Variants in CALCOCO1 observed in about 807,000 individuals in gnomAD.
CALCOCO1 encodes calcium-binding and coiled-coil domain-containing protein 1.
A neutral mutation model predicts 86.3 loss-of-function variants in CALCOCO1; 44 were observed. The observed-to-expected ratio is 0.51, with a 90% CI of 0.40 to 0.66. The LOEUF (loss-of-function observed/expected upper bound fraction) is 0.66, where lower values mean the gene tolerates loss of function less well. Ranked by LOEUF, CALCOCO1 falls within the 30% of genes least tolerant of loss-of-function variation. The probability of loss-of-function intolerance (pLI) is 0.00; values close to 1 mark genes in which losing one functional copy is unlikely to be tolerated. For synonymous variants in CALCOCO1, 297 were observed against 327.6 expected, an observed-to-expected ratio of 0.91 and a Z score of 1.01; for missense variants, 708 against 851.1, an observed-to-expected ratio of 0.83 and a Z score of 2.09.
At chr12:53,727,190 GA>G (rs1170705531) in intron 1 of CALCOCO1, among the ~76,000 whole-genome samples, 1 of 152,132 alleles carries the variant, frequency 6.6e-6, no homozygotes, top group East Asian at 1.9e-4. Context: ...AGGAGAGGAC[GA>G]CGAGGGGGCG....
chr12:53,727,043 A>G (rs1946053629), intron 1 of CALCOCO1, among the ~76,000 whole-genome samples: 1 of 152,012 alleles, frequency 6.6e-6, no homozygotes, highest in Non-Finnish European at 1.5e-5. Context: ...CTCCCCAGGG[A>G]TTCAGCGTCG....
intron 4 of CALCOCO1, among the ~76,000 whole-genome samples, chr12:53,723,159 C>A (rs1426450004): frequency 6.6e-6 from 1 of 152,084 alleles, no homozygotes; most frequent in African/African-American, 2.4e-5. Flanking sequence ...TGCTCAAGAG[C>A]CATATATAGT....
rs368772514 is a variant in CALCOCO1 at position 53,715,783 on chromosome 12, A to C, written c.1260+10T>G. 3.0e-3 allele frequency: 4,847 copies of C among 1,606,518 alleles called. 164 individuals carry two copies. The South Asian group carries it at 0.05, about 17-fold the overall frequency. ...GCCATCAGATTGCCAGGTACCCCCC[A>C]TCCCTCTACCTCCACACTCTGCAGC... On this transcript the variant is annotated intron_variant, in intron 9 of 14. Coordinates refer to ENST00000550804, the MANE Select transcript of CALCOCO1 (RefSeq NM_020898.3).
intron 10 of CALCOCO1, among the ~76,000 whole-genome samples, 184 bp from the exon 11 acceptor site, chr12:53,714,877 T>C (rs558686607): frequency 1.3e-5 from 2 of 152,248 alleles, no homozygotes; most frequent in South Asian, 4.1e-4. Context: ...GGGCCACAGA[T>C]ACTCAGTTTT....
At chr12:53,724,624 A>AT (rs1565650919) in intron 3 of CALCOCO1, 21 bp downstream of exon 3, 2 of 1,599,714 alleles carry the variant, frequency 1.3e-6, no homozygotes, top group Non-Finnish European at 8.6e-7. Context: ...CTCTCTCCCA[A>AT]TTTTCCATCT....
At chr12:53,719,706 A>G in intron 7 of CALCOCO1, 33 bp downstream of exon 7, 1 of 1,482,440 alleles carries the variant, frequency 6.7e-7, no homozygotes, top group South Asian at 1.1e-5. Flanking sequence ...TGGCTGGACA[A>G]TGGAGAAAGC....
chr12:53,716,734 C>G (rs1945737697), intron 7 of CALCOCO1, among the ~76,000 whole-genome samples: 2 of 152,202 alleles, frequency 1.3e-5, no homozygotes, highest in South Asian at 4.1e-4. Context: ...CCCTTAAACT[C>G]AACAGTCTAC....
rs908556901 is a variant in CALCOCO1 at position 53,714,176 on chromosome 12, A to G, written c.1548T>C (p.Asn516=). The G allele has an allele frequency of 6.2e-7, 1 of 1,613,494 alleles. No individual in the cohort carries two copies. Among genetic ancestry groups the G allele is most frequent in the African/African-American group, 1.3e-5 (1 of 74,854 alleles). ...CCTCATCCTCTGTGGTGGCATCCTC[A>G]TTCCACTTCTCATCTGCCACCTTCT... The part of the protein sequence containing the change: ...RLEKVADEKW[N]EDATTEDEEA... The change falls in exon 12 of 15, where the codon AAT becomes AAC. Residue 516 remains asparagine (N), a synonymous_variant. Transcript: ENST00000550804.
In CALCOCO1 at chr12:53,710,077, C is replaced by T. The variant is rs774326121; in HGVS notation, c.*1867G>A. 2 of 151,828 alleles carry T rather than the reference C, an allele frequency of 1.3e-5. No individual in the cohort carries two copies. The highest frequency in any genetic ancestry group is 2.9e-5 in the Non-Finnish European group (2 of 68,000). 9.4% of individuals were successfully genotyped at this position (151,828 alleles called of 1,614,324 possible). On this transcript the variant is annotated 3_prime_UTR_variant, in exon 15 of 15. Transcript: ENST00000550804. ...GATGGATGCCTCTGTCAGCCCAGCT[C>T]GTATTTATTAATAGTCTTAATACGG... is the stretch of plus-strand genomic sequence containing the variant.
At position 53,715,562 on chromosome 12, in the gene CALCOCO1, ATGT is replaced by A. The variant is rs891817266; in HGVS notation, c.1260+228_1260+230del. 3 of 741,076 alleles carry A rather than the reference ATGT, an allele frequency of 4.0e-6. No individual in the cohort carries two copies. In the African/African-American group the frequency reaches 5.3e-5, roughly 13 times the overall value. 45.9% of individuals were successfully genotyped at this position (741,076 alleles called of 1,614,324 possible). A position where few individuals can be genotyped will look rare whatever the true frequency, so the allele number is the denominator to read the frequency against. On this transcript the variant is annotated intron_variant, in intron 9 of 14. Transcript: ENST00000550804. ...CAGGGCCTGGGGTCTAGGACAGAAAATGTTTCTGTTCCAAGGAAGGTACTCTGG... is the reference window on the plus strand; with the variant it reads ...CAGGGCCTGGGGTCTAGGACAGAAAATTCTGTTCCAAGGAAGGTACTCTGG...
Position 53,725,210 on chromosome 12 carries a change from G to GGA in CALCOCO1, c.31_32dup (p.Arg12ProfsTer10). 2 of 1,610,260 alleles carry GGA rather than the reference G, an allele frequency of 1.2e-6. No individual in the cohort carries two copies. Among genetic ancestry groups the GGA allele is most frequent in the Non-Finnish European group, 1.7e-6 (2 of 1,178,188 alleles). The stretch of plus-strand genomic sequence containing the variant: ...CATTGAGAAAGTTGACTCCACCACG[G>GGA]GATGGTGCCCGGCTTAGTGGTGATT... On this transcript the variant is annotated frameshift_variant, in exon 2 of 15. Transcript: ENST00000550804. LOFTEE classifies it high-confidence loss of function.
At chr12:53,714,536 A>G (rs981579318) in intron 11 of CALCOCO1, 62 bp downstream of exon 11, 10 of 1,266,864 alleles carry the variant, frequency 7.9e-6, no homozygotes, top group African/African-American at 1.5e-5. Flanking sequence ...GGAATTTACA[A>G]AGTTTCTAGC....
chr12:53,725,071 G>C lies in CALCOCO1; in HGVS notation c.156+16C>G. On this transcript the variant is annotated intron_variant, in intron 2 of 14. Coordinates refer to ENST00000550804, the MANE Select transcript of CALCOCO1 (RefSeq NM_020898.3). ...CACAGCCCATAAACCTAAGCCAAAA[G>C]GGGTTCCAGAGATACCTTGAAGATG... 1 of 1,570,564 alleles carries C rather than the reference G, an allele frequency of 6.4e-7. No individual in the cohort carries two copies. The highest frequency in any genetic ancestry group is 8.6e-7 in the Non-Finnish European group (1 of 1,160,270).
chr12:53,715,892 C>G lies in CALCOCO1; in HGVS notation c.1161G>C (p.Val387=), dbSNP rs141619903. 1.8e-4 allele frequency: 297 copies of G among 1,614,232 alleles called. No homozygotes were observed. The African/African-American group carries it at 3.8e-3, about 20-fold the overall frequency. Residue 387 remains valine, a synonymous_variant, in exon 9 of 15, where the codon GTG becomes GTC. Transcript: ENST00000550804. ...CAGCCAGCCTGCCGTTAACTTCAGC[C>G]ACTTCCAGGCGGCTGCGGTGTAGTT... The part of the protein sequence containing the change: ...IAELHRSRLE[V]AEVNGRLAEL...
At chr12:53,712,315 CTCT>C in intron 14 of CALCOCO1, 194 bp from the exon 15 acceptor site, 1 of 571,206 alleles carries the variant, frequency 1.8e-6, no homozygotes, top group Non-Finnish European at 3.1e-6. Context: ...CCCATGTCCT[CTCT>C]TCTTTAGTCC....
At chr12:53,723,569 A>G (rs374648058) in intron 4 of CALCOCO1, 24 bp downstream of exon 4, 9 of 1,613,502 alleles carry the variant, frequency 5.6e-6, no homozygotes, top group African/African-American at 2.7e-5. Context: ...TTGTCTGGGA[A>G]TAACTCTGTT....
At chr12:53,712,254 T>G (rs1945582737) in intron 14 of CALCOCO1, 133 bp from the exon 15 acceptor site, 2 of 697,676 alleles carry the variant, frequency 2.9e-6, no homozygotes, top group East Asian at 5.8e-5. Flanking sequence ...TCCTGGCCTC[T>G]CCCACAGCGT....
At chr12:53,726,566 C>T (rs1472475014) in intron 1 of CALCOCO1, among the ~76,000 whole-genome samples, 5 of 152,108 alleles carry the variant, frequency 3.3e-5, no homozygotes, top group Admixed American at 6.5e-5. Context: ...GTCATATGCA[C>T]GCCCCCAAAC....
chr12:53,721,070 T>A (rs1167454983), intron 6 of CALCOCO1, among the ~76,000 whole-genome samples: 4 of 152,222 alleles, frequency 2.6e-5, no homozygotes, highest in African/African-American at 9.6e-5. Context: ...TCCATAACAT[T>A]CCTGGATCAC....
Sources: gnomAD v4.1 joint callset for allele counts (sites outside exome capture counted in the v4.1 genomes callset) on GRCh38, gnomAD v4.1.1 for gene constraint, MANE v1.5 for transcripts, NCBI Gene and HGNC (gene_info 2026-07-23, HGNC 2026-07-21) for gene names.